The following SLC6A7 variants were observed in gnomAD, a reference collection of about 807,000 sequenced individuals.
The protein encoded by SLC6A7 is solute carrier family 6 member 7.
Under a neutral mutation model 73.1 loss-of-function variants are expected in SLC6A7, and 58 were observed. The ratio of observed to expected loss-of-function variants is 0.79; its 90% confidence interval spans 0.64 to 0.99. SLC6A7 has a LOEUF of 0.99. Ranked by LOEUF, SLC6A7 falls within the 50% of genes least tolerant of loss-of-function variation. The pLI is 0.00. For synonymous variants in SLC6A7, 338 were observed against 338.7 expected, an observed-to-expected ratio of 1.00 and a Z score of 0.02; for missense variants, 783 against 831.4, an observed-to-expected ratio of 0.94 and a Z score of 0.72.
At chr5:150,202,519 C>T in intron 7 of SLC6A7, 60 bp from the exon 8 acceptor site, 1 of 1,609,826 alleles carries the variant, frequency 6.2e-7, no homozygotes, top group Non-Finnish European at 8.5e-7. Context: ...CCAGGGAGGG[C>T]CTCAGAGGCT....
rs1753607226 is a variant in SLC6A7 at position 150,204,941 on chromosome 5, G to A, written c.1533+14G>A. ...GCCACGCTCTTGGTAACTGGGGAGG[G>A]CGGGAGGGTTTCTGGCTGGGGCCCC... On this transcript the variant is annotated intron_variant, in intron 12 of 13. Coordinates refer to ENST00000230671, the MANE Select transcript of SLC6A7 (RefSeq NM_014228.5). The A allele has an allele frequency of 1.4e-6, 2 of 1,424,112 alleles. No individual in the cohort carries two copies. The allele number at this position is 1,424,112 out of a possible 1,614,324, so 88.2% of individuals were successfully genotyped here. A position where few individuals can be genotyped will look rare whatever the true frequency, so the allele number is the denominator to read the frequency against.
At position 150,202,711 on chromosome 5, in the gene SLC6A7, G is replaced by A. The variant is rs761367951; in HGVS notation, c.1087+8G>A. The A allele has an allele frequency of 6.2e-7, 1 of 1,613,854 alleles. No individual in the cohort carries two copies. Among genetic ancestry groups the A allele is most frequent in the Non-Finnish European group, 8.5e-7 (1 of 1,179,834 alleles). On this transcript the variant is annotated splice_region_variant and intron_variant, in intron 8 of 13. Coordinates refer to ENST00000230671, the MANE Select transcript of SLC6A7 (RefSeq NM_014228.5). ...ACCAAGTAGCCAAAGCAGGTGGGCAGGCTGCCAGGCCTCAGTGGGGTGAGC... is the reference window on the plus strand; with the variant it reads ...ACCAAGTAGCCAAAGCAGGTGGGCAAGCTGCCAGGCCTCAGTGGGGTGAGC...
rs1224170798 is a variant in SLC6A7 at position 150,198,115 on chromosome 5, G to GAAAGAAGGAAAGAAAA, written c.584+840_584+841insAAGAAGGAAAGAAAAA. On this transcript the variant is annotated intron_variant, in intron 4 of 13. Coordinates refer to ENST00000230671, the MANE Select transcript of SLC6A7 (RefSeq NM_014228.5). Reference sequence around the variant, plus strand: ...AGAAAGAAAGAAAGAAAGAAAGAAAGAGAAAGAAAGAAAGAAAGAAAGAAA... The same window carrying GAAAGAAGGAAAGAAAA: ...AGAAAGAAAGAAAGAAAGAAAGAAAGAAAGAAGGAAAGAAAAAGAAAGAAAGAAAGAAAGAAAGAAA... Among the ~76,000 whole-genome samples the GAAAGAAGGAAAGAAAA allele has an allele frequency of 5.1e-3, 396 of 77,600 alleles. 7 individuals are homozygous for GAAAGAAGGAAAGAAAA. The highest frequency in any genetic ancestry group is 0.015 in the Middle Eastern group (2 of 132). The allele number at this position is 77,600 out of a possible 152,430, so 50.9% of individuals were successfully genotyped here.
Position 150,197,162 on chromosome 5 carries a change from G to C in SLC6A7, c.470G>C (p.Cys157Ser). Residue 157 changes from cysteine (C) to serine (S), a missense_variant, in exon 4 of 14, where the codon TGT becomes TCT. Coordinates refer to ENST00000230671, the MANE Select transcript of SLC6A7 (RefSeq NM_014228.5). ...SLTSDLPWEH[C>S]GNWWNTELCL... is the part of the protein sequence containing the mutation. ...ACCAGCGACCTACCCTGGGAGCACT[G>C]TGGCAACTGGTGGAACACAGAACTC... 1 of 1,614,080 alleles carries C rather than the reference G, an allele frequency of 6.2e-7. No homozygotes were observed. Among genetic ancestry groups the C allele is most frequent in the Non-Finnish European group, 8.5e-7 (1 of 1,180,026 alleles).
Position 150,204,058 on chromosome 5 carries a change from G to A in SLC6A7, c.1332+20G>A, listed in dbSNP as rs762222826. On this transcript the variant is annotated intron_variant, in intron 10 of 13. Coordinates refer to ENST00000230671, the MANE Select transcript of SLC6A7 (RefSeq NM_014228.5). ...ACTGATGTGAGTGGCGCTACAGGGAGGATGGCAGGTGGGCGGGACAAGGGC... is the reference window on the plus strand; with the variant it reads ...ACTGATGTGAGTGGCGCTACAGGGAAGATGGCAGGTGGGCGGGACAAGGGC... The A allele has an allele frequency of 1.9e-6, 3 of 1,609,160 alleles. No individual in the cohort carries two copies. The highest frequency in any genetic ancestry group is 1.3e-5 in the African/African-American group (1 of 74,872).
chr5:150,198,109 A>AAG (rs1491011529), intron 4 of SLC6A7, among the ~76,000 whole-genome samples: 49 of 105,518 alleles, frequency 4.6e-4, no homozygotes, highest in Non-Finnish European at 7.7e-4. Context: ...GAAAGAAAGA[A>AAG]AGAAAGAGAA....
chr5:150,204,750 A>C (rs1051206246), intron 11 of SLC6A7, 77 bp from the exon 12 acceptor site: 2 of 1,339,998 alleles, frequency 1.5e-6, no homozygotes, highest in African/African-American at 1.4e-5. Context: ...CAGTGGGGGC[A>C]GCTGGGGTAG....
chr5:150,199,283 C>G lies in SLC6A7; in HGVS notation c.640C>G (p.Arg214Gly). Residue 214 changes from arginine to glycine, a missense_variant, in exon 5 of 14, where the codon CGC (arginine) becomes GGC (glycine). Coordinates refer to ENST00000230671, the MANE Select transcript of SLC6A7 (RefSeq NM_014228.5). Reference sequence around the variant, plus strand: ...GGGCATCGGCAGCCCTGGGGAGATCCGCTGGAACCTCTGCCTCTGCCTGCT... The same window carrying G: ...GGGCATCGGCAGCCCTGGGGAGATCGGCTGGAACCTCTGCCTCTGCCTGCT... ...SQGIGSPGEI[R>G]WNLCLCLLLA... 1.9e-6 allele frequency: 3 copies of G among 1,613,916 alleles called. No individual in the cohort carries two copies. The highest frequency in any genetic ancestry group is 2.5e-6 in the Non-Finnish European group (3 of 1,179,888).
Position 150,205,466 on chromosome 5 carries a change from T to C in SLC6A7, c.1544T>C (p.Val515Ala), listed in dbSNP as rs762477627. 1 of 1,603,780 alleles carries C rather than the reference T, an allele frequency of 6.2e-7. No individual in the cohort carries two copies. Among genetic ancestry groups the C allele is most frequent in the Non-Finnish European group, 8.5e-7 (1 of 1,174,954 alleles). ...GTCCCCACTCTGCAGGCCCTCATGG[T>C]GTATAGCATCGTCAAGTACCAGCCC... is the stretch of plus-strand genomic sequence containing the variant. ...LSPATLLALMVYSIVKYQPSE... is the reference protein window; with the variant it reads ...LSPATLLALMAYSIVKYQPSE... Residue 515 changes from valine to alanine, a missense_variant, in exon 13 of 14, where the codon GTG becomes GCG. Val to Ala is a moderately conservative substitution (Grantham distance 64). Coordinates refer to ENST00000230671, the MANE Select transcript of SLC6A7 (RefSeq NM_014228.5).
chr5:150,203,586 A>T, intron 8 of SLC6A7, 81 bp from the exon 9 acceptor site: 1 of 730,716 alleles, frequency 1.4e-6, no homozygotes, highest in Non-Finnish European at 2.5e-6. Flanking sequence ...AAATGAGTGT[A>T]AGTGGCCGTG....
At position 150,190,240 on chromosome 5, in the gene SLC6A7, G is replaced by T; in HGVS notation, c.-88G>T. On this transcript the variant is annotated 5_prime_UTR_variant, in exon 1 of 14. Coordinates refer to ENST00000230671, the MANE Select transcript of SLC6A7 (RefSeq NM_014228.5). Reference sequence around the variant, plus strand: ...CAGCCGGTGCGCGGGAGCCGCGGGGGCAAAGGCGCAGTGGCCAGCGGACCA... The same window carrying T: ...CAGCCGGTGCGCGGGAGCCGCGGGGTCAAAGGCGCAGTGGCCAGCGGACCA... 8.6e-7 allele frequency: 1 copy of T among 1,158,408 alleles called. No individual in the cohort carries two copies. The allele number at this position is 1,158,408 out of a possible 1,614,324, so 71.8% of individuals were successfully genotyped here. A position where few individuals can be genotyped will look rare whatever the true frequency, so the allele number is the denominator to read the frequency against.
At chr5:150,190,506 G>T in intron 1 of SLC6A7, 146 bp downstream of exon 1, 1 of 551,166 alleles carries the variant, frequency 1.8e-6, no homozygotes, top group Non-Finnish European at 3.1e-6. Flanking sequence ...TGGATAACAG[G>T]GAGGGTCAGG....
intron 13 of SLC6A7, among the ~76,000 whole-genome samples, chr5:150,207,494 G>T (rs190114749): frequency 6.6e-6 from 1 of 152,152 alleles, no homozygotes; most frequent in Non-Finnish European, 1.5e-5. Flanking sequence ...CGCGCACTTC[G>T]GCCTCCCAAA....
intron 6 of SLC6A7, among the ~76,000 whole-genome samples, chr5:150,201,443 G>A (rs1309263655): frequency 6.6e-6 from 1 of 152,022 alleles, no homozygotes; most frequent in East Asian, 1.9e-4. Context: ...ATGTACCTGG[G>A]GGAACTGTTA....
At chr5:150,195,126 C>T (rs571792371) in intron 2 of SLC6A7, 1 of 511,788 alleles carries the variant, frequency 2.0e-6, no homozygotes, top group East Asian at 3.0e-5. Flanking sequence ...CTCTCATCCC[C>T]AGGAAGGATA....
intron 2 of SLC6A7, among the ~76,000 whole-genome samples, chr5:150,196,198 G>C (rs567302966): frequency 6.6e-6 from 1 of 152,326 alleles, no homozygotes; most frequent in Non-Finnish European, 1.5e-5. Context: ...GCCTAGGAGG[G>C]GGTTGGTTGA....
At chr5:150,207,288 CT>C (rs1753749562) in intron 13 of SLC6A7, among the ~76,000 whole-genome samples, 1 of 152,146 alleles carries the variant, frequency 6.6e-6, no homozygotes, top group South Asian at 2.1e-4. Flanking sequence ...CAGAGTTTCA[CT>C]TTGTCACCCA....
intron 4 of SLC6A7, among the ~76,000 whole-genome samples, chr5:150,198,595 C>T (rs146006280): frequency 9.2e-4 from 140 of 152,216 alleles, no homozygotes; most frequent in Middle Eastern, 6.8e-3. Flanking sequence ...GGCAGGAGGC[C>T]GATGGATTGT....
intron 1 of SLC6A7, among the ~76,000 whole-genome samples, chr5:150,190,891 C>T (rs896300349): frequency 1.3e-5 from 2 of 152,182 alleles, no homozygotes; most frequent in Non-Finnish European, 2.9e-5. Context: ...GGCTGCCCCT[C>T]AGCAGGGCTG....
Sources: allele counts gnomAD v4.1 joint callset (sites outside exome capture counted in the v4.1 genomes callset), GRCh38; gene constraint gnomAD v4.1.1; transcripts MANE v1.5; gene names NCBI Gene and HGNC (gene_info 2026-07-23, HGNC 2026-07-21).